Variants in NR6A1 observed in about 807,000 individuals in gnomAD.
NR6A1 encodes retinoic acid receptor-related testis-associated receptor.
A neutral mutation model predicts 59.1 loss-of-function variants in NR6A1; 7 were observed. That is an observed-to-expected ratio of 0.12 (90% CI 0.07 to 0.22). The LOEUF (loss-of-function observed/expected upper bound fraction) is 0.22, where lower values mean the gene tolerates loss of function less well. NR6A1 is among the 10% of genes least tolerant of loss of function. The pLI is 1.00. For missense variants in NR6A1, 468 were observed against 611.6 expected, an observed-to-expected ratio of 0.77 and a Z score of 2.48; for synonymous variants, 243 against 236.1, an observed-to-expected ratio of 1.03 and a Z score of -0.27.
intron 1 of NR6A1, among the ~76,000 whole-genome samples, chr9:124,763,768 A>T (rs1212110383): frequency 2.0e-5 from 3 of 152,234 alleles, no homozygotes; most frequent in African/African-American, 7.2e-5. Context: ...TAAAAAGAAC[A>T]TTGCATCTGA....
At chr9:124,527,585 T>C (rs746298979) in intron 7 of NR6A1, among the ~76,000 whole-genome samples, 7 of 152,200 alleles carry the variant, frequency 4.6e-5, no homozygotes, top group Non-Finnish European at 8.8e-5. Flanking sequence ...ATCAGCACTG[T>C]ACAAATGAGC....
At chr9:124,639,019 AG>A (rs1244836160) in intron 2 of NR6A1, among the ~76,000 whole-genome samples, 1 of 152,220 alleles carries the variant, frequency 6.6e-6, no homozygotes, top group African/African-American at 2.4e-5. Context: ...AAGTGCTAGA[AG>A]AGTAGCCATA....
chr9:124,601,623 A>C (rs1335279047), intron 2 of NR6A1, among the ~76,000 whole-genome samples: 1 of 149,422 alleles, frequency 6.7e-6, no homozygotes, highest in Non-Finnish European at 1.5e-5. Flanking sequence ...AAAGAAAAGA[A>C]AAAAAAAGAC....
intron 2 of NR6A1, among the ~76,000 whole-genome samples, chr9:124,680,088 GTA>G (rs202067118): frequency 0.011 from 1,450 of 137,412 alleles, 20 homozygotes; most frequent in African/African-American, 0.044. Flanking sequence ...CTGTGTGTAT[GTA>G]TGTGTGTGTG....
intron 2 of NR6A1, among the ~76,000 whole-genome samples, chr9:124,724,489 T>C (rs1839655777): frequency 1.3e-5 from 2 of 151,164 alleles, no homozygotes; most frequent in Admixed American, 1.3e-4. Context: ...GCAGGTACTT[T>C]CCTTGGGATT....
At chr9:124,641,084 T>C (rs1299206155) in intron 2 of NR6A1, among the ~76,000 whole-genome samples, 4 of 152,106 alleles carry the variant, frequency 2.6e-5, no homozygotes, top group Non-Finnish European at 5.9e-5. Flanking sequence ...GGGTGCAGTG[T>C]CTCACACCTG....
chr9:124,564,866 T>C (rs1407053563), intron 2 of NR6A1, among the ~76,000 whole-genome samples: 3 of 152,148 alleles, frequency 2.0e-5, no homozygotes, highest in East Asian at 1.9e-4. Context: ...GATAGATAAA[T>C]AGACCAAAGG....
chr9:124,603,900 T>C (rs1433578190), intron 2 of NR6A1, among the ~76,000 whole-genome samples: 1 of 152,198 alleles, frequency 6.6e-6, no homozygotes, highest in Non-Finnish European at 1.5e-5. Flanking sequence ...TCTCCTCTAA[T>C]TGAGGGATTG....
intron 2 of NR6A1, chr9:124,693,826 A>G: frequency 1.9e-6 from 1 of 530,002 alleles, no homozygotes. Flanking sequence ...GCATGTGCAG[A>G]GAGTCGCCTG....
intron 6 of NR6A1, 134 bp from the exon 7 acceptor site, chr9:124,536,266 G>T: frequency 1.0e-6 from 1 of 967,626 alleles, no homozygotes; most frequent in Non-Finnish European, 1.5e-6. Context: ...CGGGTCTCCA[G>T]TTCCATTCAG....
At chr9:124,751,916 AAAC>A (rs1840511136) in intron 1 of NR6A1, among the ~76,000 whole-genome samples, 1 of 152,242 alleles carries the variant, frequency 6.6e-6, no homozygotes, top group Non-Finnish European at 1.5e-5. Context: ...CAAACTTTTT[AAAC>A]AACAGGATTA....
At chr9:124,681,576 G>A (rs1166532748) in intron 2 of NR6A1, among the ~76,000 whole-genome samples, 5 of 152,060 alleles carry the variant, frequency 3.3e-5, no homozygotes, top group Admixed American at 1.3e-4. Flanking sequence ...TACTGACCTC[G>A]TGATCTGCCC....
rs1346943362 is a variant in NR6A1 at position 124,536,115 on chromosome 9, G to A, written c.842C>T (p.Ala281Val). The change falls in exon 7 of 10, where the codon GCA (alanine) becomes GTA (valine). Residue 281 changes from alanine to valine, a missense_variant. Ala to Val is a moderately conservative substitution (Grantham distance 64). Coordinates refer to ENST00000487099, the MANE Select transcript of NR6A1 (RefSeq NM_033334.4). The part of the protein sequence containing the change: ...LIEDGYAVTQ[A>V]ELFALLCRLA... The stretch of plus-strand genomic sequence containing the variant: ...GCGGCAAAGCAGGGCAAATAGTTCT[G>A]CCTGTGTCACAGCGTATCTGAGGGG... 2 of 1,613,350 alleles carry A rather than the reference G, an allele frequency of 1.2e-6. No individual in the cohort carries two copies. The highest frequency in any genetic ancestry group is 1.7e-5 in the Admixed American group (1 of 60,002).
chr9:124,651,546 G>A (rs1245062317), intron 2 of NR6A1, among the ~76,000 whole-genome samples: 3 of 152,276 alleles, frequency 2.0e-5, no homozygotes, highest in Admixed American at 2.0e-4. Context: ...ATTTTACAAA[G>A]TACCTACCAT....
chr9:124,593,200 G>A (rs555155807), intron 2 of NR6A1, among the ~76,000 whole-genome samples: 3 of 152,262 alleles, frequency 2.0e-5, no homozygotes, highest in Admixed American at 2.0e-4. Flanking sequence ...TAGAGTTCTT[G>A]ACTATAAGTC....
intron 3 of NR6A1, among the ~76,000 whole-genome samples, chr9:124,545,872 T>C (rs1321702669): frequency 6.6e-6 from 1 of 152,164 alleles, no homozygotes; most frequent in African/African-American, 2.4e-5. Flanking sequence ...TCCCAGCACT[T>C]TGGAAGGCTG....
intron 2 of NR6A1, among the ~76,000 whole-genome samples, chr9:124,604,837 G>GA (rs1264697124): frequency 6.6e-6 from 1 of 151,734 alleles, no homozygotes; most frequent in African/African-American, 2.4e-5. Context: ...TTTTTAAAAT[G>GA]AAAAAAATAT....
chr9:124,677,699 A>T (rs1838005762), intron 2 of NR6A1, among the ~76,000 whole-genome samples: 1 of 152,176 alleles, frequency 6.6e-6, no homozygotes, highest in South Asian at 2.1e-4. Context: ...TGCAGCCCAC[A>T]GGATTCCCTC....
intron 2 of NR6A1, among the ~76,000 whole-genome samples, chr9:124,626,117 T>C (rs1206495822): frequency 1.3e-5 from 2 of 152,240 alleles, no homozygotes; most frequent in Non-Finnish European, 2.9e-5. Context: ...GCAATTCTCC[T>C]GCGTCAGCCT....
Sources: gnomAD v4.1 joint callset for allele counts (sites outside exome capture counted in the v4.1 genomes callset) on GRCh38, gnomAD v4.1.1 for gene constraint, MANE v1.5 for transcripts, NCBI Gene and HGNC (gene_info 2026-07-23, HGNC 2026-07-21) for gene names.